The following FAM222B variants were observed in gnomAD, a reference collection of about 807,000 sequenced individuals.
FAM222B encodes protein FAM222B.
A neutral mutation model predicts 38.0 loss-of-function variants in FAM222B; 12 were observed. The observed-to-expected ratio is 0.32, with a 90% CI of 0.20 to 0.51. The LOEUF (loss-of-function observed/expected upper bound fraction) is 0.51, where lower values mean the gene tolerates loss of function less well. Ranked by LOEUF, FAM222B falls within the 20% of genes least tolerant of loss-of-function variation. The pLI is 0.97. For missense variants in FAM222B, 716 were observed against 754.2 expected (o/e 0.95, Z 0.59); for synonymous variants, 329 against 317.2 (o/e 1.04, Z -0.40).
intron 1 of FAM222B, among the ~76,000 whole-genome samples, chr17:28,790,884 C>CATT (rs71135852): frequency 0.069 from 5,967 of 85,926 alleles, 2,014 homozygotes; most frequent in African/African-American, 0.12. Flanking sequence ...AATTGTTTCA[C>CATT]TTTTTTTTTT....
intron 1 of FAM222B, among the ~76,000 whole-genome samples, chr17:28,830,708 G>A (rs1189542557): frequency 1.3e-5 from 2 of 151,408 alleles, no homozygotes; most frequent in Non-Finnish European, 2.9e-5. Context: ...AGTTTAGGCC[G>A]GGCATGGTGG....
At chr17:28,826,408 G>A (rs1457969592) in intron 1 of FAM222B, among the ~76,000 whole-genome samples, 1 of 152,106 alleles carries the variant, frequency 6.6e-6, no homozygotes, top group Admixed American at 6.6e-5. Flanking sequence ...TTGCTGGACA[G>A]GTTGGCTCAC....
chr17:28,828,095 ATTTTTTTTTTTTTTTTTTTT>A lies in FAM222B; in HGVS notation c.-41+14567_-41+14586del, dbSNP rs528492764. On this transcript the variant is annotated intron_variant, in intron 1 of 2. Transcript: ENST00000581407. ...TAAGGAGAAATCAAGATCAAATCCAATTTTTTTTTTTTTTTTTTTTTTTTTTTTTTTTGAGACAGAGTTTC... is the reference window on the plus strand; with the variant it reads ...TAAGGAGAAATCAAGATCAAATCCAATTTTTTTTTTTTGAGACAGAGTTTC... 1.7e-4 allele frequency among the ~76,000 whole-genome samples: 13 copies of A among 74,692 alleles called. No individual in the cohort carries two copies. The South Asian group carries it at 3.4e-3, about 19-fold the overall frequency. The allele number at this position is 74,692 out of a possible 152,430, so 49.0% of individuals were successfully genotyped here.
At position 28,786,309 on chromosome 17, in the gene FAM222B, A is replaced by G. The variant is rs1382388685; in HGVS notation, c.-40-19602T>C. On this transcript the variant is annotated intron_variant, in intron 1 of 2. Transcript: ENST00000581407. ...CTTTCAAAGTGAAGGATAAGACAGCAACTATAAGCAAGGTAAATCCGCTGG... is the reference window on the plus strand; with the variant it reads ...CTTTCAAAGTGAAGGATAAGACAGCGACTATAAGCAAGGTAAATCCGCTGG... Among the ~76,000 whole-genome samples, 3 of 152,332 alleles carry G rather than the reference A, an allele frequency of 2.0e-5. No homozygotes were observed. The East Asian group carries it at 5.8e-4, about 29-fold the overall frequency.
At position 28,757,230 on chromosome 17, in the gene FAM222B, A is replaced by AG. The variant is rs2151748276; in HGVS notation, c.*1039dup. ...TGTTTTTTTTTCCTTCATTAAACTG[A>AG]GGGGCTGCACTAGAGGGTGAATGTA... On this transcript the variant is annotated 3_prime_UTR_variant, in exon 3 of 3. Coordinates refer to ENST00000581407, the MANE Select transcript of FAM222B (RefSeq NM_001077498.3). 6.6e-6 allele frequency: 1 copy of AG among 152,582 alleles called. No homozygotes were observed. Among genetic ancestry groups the AG allele is most frequent in the Non-Finnish European group, 1.5e-5 (1 of 68,010 alleles). The allele number at this position is 152,582 out of a possible 1,614,324, so 9.5% of individuals were successfully genotyped here. A position where few individuals can be genotyped will look rare whatever the true frequency, so the allele number is the denominator to read the frequency against.
In FAM222B at chr17:28,758,825, G is replaced by C; in HGVS notation, c.1134C>G (p.Ser378Arg). 6.3e-7 allele frequency: 1 copy of C among 1,592,736 alleles called. No individual in the cohort carries two copies. Among genetic ancestry groups the C allele is most frequent in the Non-Finnish European group, 8.5e-7 (1 of 1,169,928 alleles). ...CAGGGGCTGGCGTCCCACTAGCCTC[G>C]CTGCACATCTGCTGTAGGTGGGCCA... ...HQLAHLQQMC[S>R]EASGTPAPGL... Residue 378 changes from serine to arginine, a missense_variant, in exon 3 of 3, where the codon AGC (serine) becomes AGG (arginine). Ser to Arg is a moderately radical substitution (Grantham distance 110, BLOSUM62 -1). Coordinates refer to ENST00000581407, the MANE Select transcript of FAM222B (RefSeq NM_001077498.3).
In FAM222B at chr17:28,784,491, TAAAAAAAAAAAAAAAAAAAA is replaced by T. The variant is rs559624246; in HGVS notation, c.-40-17804_-40-17785del. ...AACAACAGAGTAAGATCCCCTCTCT[TAAAAAAAAAAAAAAAAAAAA>T]AAAAAAAAAAAAAAAAAAAAGGCAA... On this transcript the variant is annotated intron_variant, in intron 1 of 2. Transcript: ENST00000581407. 4.5e-3 allele frequency among the ~76,000 whole-genome samples: 162 copies of T among 36,042 alleles called. 2 individuals are homozygous for T. The highest frequency in any genetic ancestry group is 0.043 in the South Asian group (42 of 980). 23.6% of individuals were successfully genotyped at this position (36,042 alleles called of 152,430 possible).
intron 1 of FAM222B, among the ~76,000 whole-genome samples, chr17:28,786,708 G>C (rs4795459): frequency 0.19 from 28,676 of 151,862 alleles, 2,839 homozygotes; most frequent in South Asian, 0.3. Flanking sequence ...CTGGGAAAAA[G>C]GATTTCACAT....
intron 1 of FAM222B, among the ~76,000 whole-genome samples, chr17:28,806,107 G>A (rs955663975): frequency 4.0e-5 from 6 of 151,762 alleles, no homozygotes; most frequent in Admixed American, 1.3e-4. Flanking sequence ...AGCCGAGATC[G>A]CGCCATTGCA....
intron 1 of FAM222B, among the ~76,000 whole-genome samples, chr17:28,829,898 G>GCC (rs2038601961): frequency 6.6e-6 from 1 of 151,520 alleles, no homozygotes; most frequent in Non-Finnish European, 1.5e-5. Flanking sequence ...AGCTGGAGTT[G>GCC]GAGTGCAGTG....
chr17:28,780,186 G>A (rs2036105415), intron 1 of FAM222B, among the ~76,000 whole-genome samples: 1 of 151,882 alleles, frequency 6.6e-6, no homozygotes, highest in Admixed American at 6.6e-5. Flanking sequence ...TGGCCAGGAT[G>A]GTCTCGATCT....
intron 1 of FAM222B, among the ~76,000 whole-genome samples, chr17:28,798,864 G>A (rs141075213): frequency 6.8e-4 from 102 of 150,724 alleles, no homozygotes; most frequent in African/African-American, 2.1e-3. Context: ...TGATCCACCC[G>A]CCTCGGCCTC....
upstream of FAM222B, among the ~76,000 whole-genome samples, chr17:28,846,682 TAAAAA>T (rs1211723759): frequency 6.6e-6 from 1 of 151,802 alleles, no homozygotes; most frequent in African/African-American, 2.4e-5. Flanking sequence ...ATTTTCCTCT[TAAAAA>T]AGAAAAGAAA....
upstream of FAM222B, among the ~76,000 whole-genome samples, chr17:28,845,283 C>A (rs2039137458): frequency 6.6e-6 from 1 of 151,834 alleles, no homozygotes; most frequent in South Asian, 2.1e-4. Context: ...CCCCTGCAGT[C>A]CCAGCTACTT....
At chr17:28,790,883 ACTTTTTTTTT>A (rs1567838664) in intron 1 of FAM222B, among the ~76,000 whole-genome samples, 2 of 8,912 alleles carry the variant, frequency 2.2e-4, no homozygotes, top group African/African-American at 1.1e-3. Flanking sequence ...AAATTGTTTC[ACTTTTTTTTT>A]TTTTTTTTTT....
At chr17:28,796,545 T>C (rs1369630902) in intron 1 of FAM222B, among the ~76,000 whole-genome samples, 1 of 152,166 alleles carries the variant, frequency 6.6e-6, no homozygotes, top group Non-Finnish European at 1.5e-5. Flanking sequence ...CTCCACACCA[T>C]GCTACTATGC....
chr17:28,832,142 A>G (rs2038689590), intron 1 of FAM222B, among the ~76,000 whole-genome samples: 1 of 152,152 alleles, frequency 6.6e-6, no homozygotes, highest in Non-Finnish European at 1.5e-5. Context: ...GTGAGCCGAG[A>G]TCGCGCCACT....
intron 1 of FAM222B, among the ~76,000 whole-genome samples, chr17:28,833,626 A>T (rs1440439169): frequency 6.6e-6 from 1 of 151,754 alleles, no homozygotes; most frequent in Non-Finnish European, 1.5e-5. Context: ...AAAAAAAAAA[A>T]AAAAAAGAAG....
At chr17:28,780,608 G>A (rs1408236465) in intron 1 of FAM222B, among the ~76,000 whole-genome samples, 1 of 152,124 alleles carries the variant, frequency 6.6e-6, no homozygotes, top group African/African-American at 2.4e-5. Context: ...GAGGATGGGT[G>A]CGGTGGCTCA....
Sources: gnomAD v4.1 joint callset for allele counts (sites outside exome capture counted in the v4.1 genomes callset) on GRCh38, gnomAD v4.1.1 for gene constraint, MANE v1.5 for transcripts, NCBI Gene and HGNC (gene_info 2026-07-23, HGNC 2026-07-21) for gene names.